The following MAP4K4 variants were observed in gnomAD, a reference collection of about 807,000 sequenced individuals.
MAP4K4 encodes the protein mitogen-activated protein kinase kinase kinase kinase 4, also known as HPK/GCK-like kinase HGK.
MAP4K4 carries 38 observed loss-of-function variants against 189.6 expected under a neutral mutation model. The observed-to-expected ratio is 0.20, with a 90% CI of 0.15 to 0.26. MAP4K4 has a LOEUF of 0.26. Among genes scored for constraint, MAP4K4 ranks in the 10% least tolerant of loss-of-function variants. MAP4K4 has a pLI of 1.00. For missense variants in MAP4K4, 1,054 were observed against 1,726.9 expected (o/e 0.61, Z 6.91); for synonymous variants, 610 against 624.3 (o/e 0.98, Z 0.34).
At chr2:101,785,704 C>CCTTTTTTGAGTTGGAG (rs2090509352) in intron 2 of MAP4K4, among the ~76,000 whole-genome samples, 1 of 5,352 alleles carries the variant, frequency 1.9e-4, no homozygotes, top group Middle Eastern at 0.05. Flanking sequence ...CTCTCTCTCT[C>CCTTTTTTGAGTTGGAG]TCTCTCTCTC....
intron 6 of MAP4K4, among the ~76,000 whole-genome samples, chr2:101,829,906 C>G (rs1363017191): frequency 6.6e-6 from 1 of 152,162 alleles, no homozygotes; most frequent in Non-Finnish European, 1.5e-5. Context: ...ACATTTCTCA[C>G]CCTTGCCCAT....
At chr2:101,850,944 G>A (rs1466212182) in intron 12 of MAP4K4, among the ~76,000 whole-genome samples, 3 of 149,486 alleles carry the variant, frequency 2.0e-5, no homozygotes, top group South Asian at 2.1e-4. Flanking sequence ...TAACATGACC[G>A]CAGAAGTTCT....
intron 3 of MAP4K4, among the ~76,000 whole-genome samples, chr2:101,805,953 C>A (rs1207939805): frequency 6.6e-6 from 1 of 152,148 alleles, no homozygotes; most frequent in Non-Finnish European, 1.5e-5. Context: ...GCATGTCCTC[C>A]CCCTGCTCCC....
intron 23 of MAP4K4, among the ~76,000 whole-genome samples, chr2:101,870,993 T>C (rs1654230005): frequency 6.6e-6 from 1 of 152,230 alleles, no homozygotes; most frequent in African/African-American, 2.4e-5. Flanking sequence ...TTTATAACTG[T>C]CTGTTCATTT....
chr2:101,813,111 T>G (rs894982242), intron 3 of MAP4K4, among the ~76,000 whole-genome samples: 2 of 152,120 alleles, frequency 1.3e-5, no homozygotes, highest in Non-Finnish European at 2.9e-5. Flanking sequence ...AGAGCAAGAT[T>G]TCGTCTCAAA....
chr2:101,760,654 T>C (rs923066571), intron 2 of MAP4K4, among the ~76,000 whole-genome samples: 1 of 151,996 alleles, frequency 6.6e-6, no homozygotes, highest in Non-Finnish European at 1.5e-5. Context: ...TGTTCTTCTA[T>C]TTAAAAAATA....
intron 27 of MAP4K4, among the ~76,000 whole-genome samples, chr2:101,879,639 C>G (rs1008818703): frequency 3.3e-5 from 5 of 152,208 alleles, no homozygotes; most frequent in South Asian, 4.1e-4. Flanking sequence ...CATGCAGAAT[C>G]CATCCAGATA....
chr2:101,750,036 A>G (rs1489304429), intron 2 of MAP4K4, among the ~76,000 whole-genome samples: 1 of 148,774 alleles, frequency 6.7e-6, no homozygotes, highest in African/African-American at 2.5e-5. Context: ...ATGTGGAGAA[A>G]TAGGAACACT....
chr2:101,708,530 A>C (rs1250234184), intron 2 of MAP4K4, among the ~76,000 whole-genome samples: 2 of 152,228 alleles, frequency 1.3e-5, no homozygotes, highest in Non-Finnish European at 2.9e-5. Context: ...GTACGTATTA[A>C]TTACCATGCT....
At chr2:101,883,548 A>G (rs1648417247) in intron 28 of MAP4K4, among the ~76,000 whole-genome samples, 1 of 152,306 alleles carries the variant, frequency 6.6e-6, no homozygotes, top group South Asian at 2.1e-4. Flanking sequence ...ACTGGCACTA[A>G]TGTTAGACAT....
chr2:101,786,110 C>T (rs1052271190), intron 2 of MAP4K4, among the ~76,000 whole-genome samples: 1 of 152,108 alleles, frequency 6.6e-6, no homozygotes, highest in Non-Finnish European at 1.5e-5. Flanking sequence ...CAGGTGTGAG[C>T]CATTGCACCC....
chr2:101,802,054 A>G (rs1200449698), intron 3 of MAP4K4, among the ~76,000 whole-genome samples: 4 of 152,216 alleles, frequency 2.6e-5, no homozygotes, highest in South Asian at 2.1e-4. Context: ...GTGGGTGTGG[A>G]TAGATTGACT....
chr2:101,787,565 A>G (rs929154688), intron 2 of MAP4K4, among the ~76,000 whole-genome samples: 2 of 152,156 alleles, frequency 1.3e-5, no homozygotes, highest in East Asian at 3.9e-4. Context: ...GAGAGTCAGT[A>G]TATTCCCTCT....
At chr2:101,744,052 G>A (rs929063643) in intron 2 of MAP4K4, among the ~76,000 whole-genome samples, 57 of 152,156 alleles carry the variant, frequency 3.7e-4, no homozygotes, top group Non-Finnish European at 5.9e-5. Flanking sequence ...CTATGGCGAT[G>A]AGGAATCTGG....
At chr2:101,831,302 C>G (rs1446002212) in intron 6 of MAP4K4, among the ~76,000 whole-genome samples, 1 of 151,972 alleles carries the variant, frequency 6.6e-6, no homozygotes, top group Non-Finnish European at 1.5e-5. Flanking sequence ...TCGTGAAATT[C>G]TTATCTTTAT....
At chr2:101,881,173 A>G (rs1250308886) in intron 27 of MAP4K4, among the ~76,000 whole-genome samples, 3 of 152,160 alleles carry the variant, frequency 2.0e-5, no homozygotes, top group African/African-American at 2.4e-5. Context: ...TCCTTAAGTA[A>G]AACTAGCAAA....
At chr2:101,745,399 T>G in intron 2 of MAP4K4, among the ~76,000 whole-genome samples, 1 of 121,352 alleles carries the variant, frequency 8.2e-6, no homozygotes, top group Non-Finnish European at 1.6e-5. Flanking sequence ...GTCTGGTCTC[T>G]GGTGATTTCC....
At chr2:101,759,502 T>TCCAC (rs2074789990) in intron 2 of MAP4K4, among the ~76,000 whole-genome samples, 1 of 14,424 alleles carries the variant, frequency 6.9e-5, no homozygotes, top group Non-Finnish European at 1.2e-4. Flanking sequence ...TCTCCTCCCC[T>TCCAC]CTCCCCTCCC....
intron 26 of MAP4K4, among the ~76,000 whole-genome samples, chr2:101,874,899 A>G (rs1038517374): frequency 6.6e-6 from 1 of 152,170 alleles, no homozygotes; most frequent in African/African-American, 2.4e-5. Flanking sequence ...CTTCAGCTTT[A>G]TCTTGTTACT....
Sources: gnomAD v4.1 joint callset for allele counts (sites outside exome capture counted in the v4.1 genomes callset) on GRCh38, gnomAD v4.1.1 for gene constraint, MANE v1.5 for transcripts, NCBI Gene and HGNC (gene_info 2026-07-23, HGNC 2026-07-21) for gene names.